The following ABCF2 variants were observed in gnomAD, a reference collection of about 807,000 sequenced individuals.
ABCF2 encodes ATP binding cassette subfamily F member 2.
ABCF2 carries 37 observed loss-of-function variants against 76.9 expected under a neutral mutation model. The observed-to-expected ratio is 0.48, with a 90% CI of 0.37 to 0.63. The LOEUF is 0.63. Among genes scored for constraint, ABCF2 ranks in the 30% least tolerant of loss-of-function variants. The pLI is 0.00. For synonymous variants in ABCF2, 299 were observed against 283.7 expected, an observed-to-expected ratio of 1.05 and a Z score of -0.54; for missense variants, 524 against 782.1, an observed-to-expected ratio of 0.67 and a Z score of 3.94.
chr7:151,223,510 G>A (rs1346899381), intron 5 of ABCF2, among the ~76,000 whole-genome samples, 168 bp downstream of exon 5: 1 of 152,142 alleles, frequency 6.6e-6, no homozygotes, highest in Admixed American at 6.5e-5. Context: ...CTTCAGCCAG[G>A]AAGCTCTCTC....
At chr7:151,217,900 C>T (rs1013936157) in intron 11 of ABCF2, among the ~76,000 whole-genome samples, 181 bp downstream of exon 11, 1 of 152,206 alleles carries the variant, frequency 6.6e-6, no homozygotes, top group Non-Finnish European at 1.5e-5. Context: ...AGCCCCCAGC[C>T]TCAGCACTGT....
rs544876375 is a variant in ABCF2, at chr7:151,213,833, T to C, written c.*221A>G. The C allele has an allele frequency of 2.9e-6, 4 of 1,381,328 alleles. No individual in the cohort carries two copies. Among genetic ancestry groups the C allele is most frequent in the African/African-American group, 2.9e-5 (2 of 68,196 alleles). 85.6% of individuals were successfully genotyped at this position (1,381,328 alleles called of 1,614,324 possible). On this transcript the variant is annotated 3_prime_UTR_variant, in exon 15 of 15. Coordinates refer to ENST00000287844, the MANE Select transcript of ABCF2 (RefSeq NM_007189.3). Reference sequence around the variant, plus strand: ...GGGAACGGCCAGCCGAGTCCAGACATGGACAGATGTAACTGGAAGGAGGAC... The same window carrying C: ...GGGAACGGCCAGCCGAGTCCAGACACGGACAGATGTAACTGGAAGGAGGAC...
chr7:151,216,278 G>T (rs1802148589), intron 11 of ABCF2, among the ~76,000 whole-genome samples: 1 of 152,202 alleles, frequency 6.6e-6, no homozygotes, highest in Admixed American at 6.5e-5. Flanking sequence ...AATGCACTAT[G>T]CTGTATAACA....
At position 151,211,825 on chromosome 7, in the gene ABCF2, A is replaced by G. The variant is rs1802050292; in HGVS notation, c.*2229T>C. ...CCCCACTTAAGGCATAAAGCAGTCA[A>G]GCCAGTACCCTCTGGGGTCAGAGGA... On this transcript the variant is annotated 3_prime_UTR_variant, in exon 15 of 15. Coordinates refer to ENST00000287844, the MANE Select transcript of ABCF2 (RefSeq NM_007189.3). 7 of 985,422 alleles carry G rather than the reference A, an allele frequency of 7.1e-6. No homozygotes were observed. The highest frequency in any genetic ancestry group is 8.4e-6 in the Non-Finnish European group (7 of 829,930). 61.0% of individuals were successfully genotyped at this position (985,422 alleles called of 1,614,324 possible). A position where few individuals can be genotyped will look rare whatever the true frequency, so the allele number is the denominator to read the frequency against.
At position 151,215,953 on chromosome 7, in the gene ABCF2, C is replaced by T. The variant is rs1341403798; in HGVS notation, c.1401+14G>A. On this transcript the variant is annotated intron_variant, in intron 12 of 14. Transcript: ENST00000287844. The surrounding 1 kb of genome is among the most constrained non-coding windows in gnomAD (Gnocchi z 4.6). ...CCCTGGGCAATTCCCCGGATCCCAA[C>T]CCCAGGCCTGTACCTGATGGTAACG... 1.9e-6 allele frequency: 3 copies of T among 1,613,892 alleles called. No individual in the cohort carries two copies. The highest frequency in any genetic ancestry group is 1.1e-5 in the South Asian group (1 of 91,074).
intron 3 of ABCF2, 31 bp downstream of exon 3, chr7:151,224,745 A>T: frequency 1.3e-6 from 2 of 1,570,662 alleles, no homozygotes; most frequent in Non-Finnish European, 1.8e-6. Flanking sequence ...CTAAGGAGAG[A>T]TACCTCCCAC....
intron 1 of ABCF2, chr7:151,226,734 T>C: frequency 3.1e-6 from 1 of 322,386 alleles, no homozygotes; most frequent in Non-Finnish European, 5.7e-6. Flanking sequence ...ACGGACTGCC[T>C]CACTTTGGAA....
intron 7 of ABCF2, 117 bp from the exon 8 acceptor site, chr7:151,219,276 T>C: frequency 2.4e-6 from 2 of 840,300 alleles, no homozygotes; most frequent in Admixed American, 1.8e-5. Context: ...GCTCTAAGGC[T>C]GTGCAGTAAG....
At chr7:151,221,986 C>T (rs1009726968) in intron 6 of ABCF2, 4 of 274,962 alleles carry the variant, frequency 1.5e-5, no homozygotes, top group South Asian at 5.4e-5. Flanking sequence ...AATACACCCA[C>T]GAATGTATCC....
chr7:151,215,461 TA>T lies in ABCF2; in HGVS notation c.1530+142del, dbSNP rs773306394. ...ATAACAACCTAGAGTAAAGAAAAGG[TA>T]GTAGGTTCTTAGGGGAGTCAAATGG... On this transcript the variant is annotated intron_variant, in intron 13 of 14. Coordinates refer to ENST00000287844, the MANE Select transcript of ABCF2 (RefSeq NM_007189.3). The surrounding 1 kb of genome is among the most constrained non-coding windows in gnomAD (Gnocchi z 4.6). 522 of 1,007,810 alleles carry T rather than the reference TA, an allele frequency of 5.2e-4. 2 individuals are homozygous for T. The highest frequency in any genetic ancestry group is 6.6e-4 in the Non-Finnish European group (450 of 680,524). The allele number at this position is 1,007,810 out of a possible 1,614,324, so 62.4% of individuals were successfully genotyped here.
At chr7:151,221,520 A>G in intron 7 of ABCF2, 58 bp downstream of exon 7, 1 of 1,055,468 alleles carries the variant, frequency 9.5e-7, no homozygotes, top group South Asian at 1.4e-5. Flanking sequence ...TTTTTTAAAG[A>G]GAATTTCAGA....
chr7:151,214,093 A>T lies in ABCF2; in HGVS notation c.1833T>A (p.Asp611Glu), dbSNP rs774832932. 3.1e-6 allele frequency: 5 copies of T among 1,614,034 alleles called. No individual in the cohort carries two copies. The Admixed American group carries it at 8.3e-5, about 27-fold the overall frequency. Residue 611 changes from aspartate (D) to glutamate (E), a missense_variant, in exon 15 of 15, where the codon GAT (aspartate) becomes GAA (glutamate). This residue lies in a region of ABCF2 where 194 missense variants were observed against 348.6 expected (regional missense o/e 0.56). Coordinates refer to ENST00000287844, the MANE Select transcript of ABCF2 (RefSeq NM_007189.3). The surrounding 1 kb of genome is among the most constrained non-coding windows in gnomAD (Gnocchi z 4.9). ...TCCTCTTGGTGAGCTGGGGCTCCTCATCCACCAGCTTGGACTTGAGGTGCT... is the reference window on the plus strand; with the variant it reads ...TCCTCTTGGTGAGCTGGGGCTCCTCTTCCACCAGCTTGGACTTGAGGTGCT... The part of the protein sequence containing the change: ...YKEHLKSKLV[D>E]EEPQLTKRTH...
rs1286128486 is a variant in ABCF2, at chr7:151,212,388, T to C, written c.*1666A>G. On this transcript the variant is annotated 3_prime_UTR_variant, in exon 15 of 15. Coordinates refer to ENST00000287844, the MANE Select transcript of ABCF2 (RefSeq NM_007189.3). ...AAATACAAAATTTCCTGTATCCCAA[T>C]AGGAAGAGAGGTTCACAGACGTTGG... 1.0e-6 allele frequency: 1 copy of C among 985,336 alleles called. No individual in the cohort carries two copies. Among genetic ancestry groups the C allele is most frequent in the Admixed American group, 6.1e-5 (1 of 16,272 alleles). 61.0% of individuals were successfully genotyped at this position (985,336 alleles called of 1,614,324 possible).
chr7:151,218,126 G>C lies in ABCF2; in HGVS notation c.1293C>G (p.Pro431=), dbSNP rs149289809. 1 of 1,614,138 alleles carries C rather than the reference G, an allele frequency of 6.2e-7. No individual in the cohort carries two copies. Among genetic ancestry groups the C allele is most frequent in the South Asian group, 1.1e-5 (1 of 91,086 alleles). Residue 431 remains proline, a synonymous_variant, in exon 11 of 15, where the codon CCC becomes CCG. Coordinates refer to ENST00000287844, the MANE Select transcript of ABCF2 (RefSeq NM_007189.3). ...DLDTRVALVG[P]NGAGKSTLLK... Reference sequence around the variant, plus strand: ...GAAGAGTTGACTTCCCTGCTCCATTGGGCCCTACCAGAGCCACTCGTGTGT... The same window carrying C: ...GAAGAGTTGACTTCCCTGCTCCATTCGGCCCTACCAGAGCCACTCGTGTGT...
Position 151,213,368 on chromosome 7 carries a change from C to A in ABCF2, c.*686G>T. On this transcript the variant is annotated 3_prime_UTR_variant, in exon 15 of 15. Transcript: ENST00000287844. ...CAATTTCAAATCAGAAGTAAAGGGA[C>A]AAAGTTCTTCCAGCTCCTATGGACT... 1 of 985,056 alleles carries A rather than the reference C, an allele frequency of 1.0e-6. No individual in the cohort carries two copies. The highest frequency in any genetic ancestry group is 1.2e-6 in the Non-Finnish European group (1 of 829,802). The allele number at this position is 985,056 out of a possible 1,614,324, so 61.0% of individuals were successfully genotyped here.
At position 151,214,448 on chromosome 7, in the gene ABCF2, T is replaced by C. The variant is rs538457729; in HGVS notation, c.1735-257A>G. On this transcript the variant is annotated intron_variant, in intron 14 of 14. Transcript: ENST00000287844. The surrounding 1 kb of genome is among the most constrained non-coding windows in gnomAD (Gnocchi z 4.9). ...GCAGGGCCTAGATCTATTCAGAGGCTTCACTCTCAGCCTTCTTTTCTCCAC... is the reference window on the plus strand; with the variant it reads ...GCAGGGCCTAGATCTATTCAGAGGCCTCACTCTCAGCCTTCTTTTCTCCAC... Among the ~76,000 whole-genome samples the C allele has an allele frequency of 2.6e-4, 39 of 152,302 alleles. No individual in the cohort carries two copies. The highest frequency in any genetic ancestry group is 8.7e-4 in the African/African-American group (36 of 41,568).
At position 151,211,946 on chromosome 7, in the gene ABCF2, C is replaced by T. The variant is rs1802052235; in HGVS notation, c.*2108G>A. ...TTTGTGGCCATCTGAGAAGATCCTA[C>T]TCATTTTTCAAGTGAGAGCACACCA... is the stretch of plus-strand genomic sequence containing the variant. On this transcript the variant is annotated 3_prime_UTR_variant, in exon 15 of 15. Transcript: ENST00000287844. 11 of 985,314 alleles carry T rather than the reference C, an allele frequency of 1.1e-5. No individual in the cohort carries two copies. The highest frequency in any genetic ancestry group is 1.3e-5 in the Non-Finnish European group (11 of 829,908). 61.0% of individuals were successfully genotyped at this position (985,314 alleles called of 1,614,324 possible).
At position 151,224,903 on chromosome 7, in the gene ABCF2, G is replaced by T. The variant is rs1802342755; in HGVS notation, c.240C>A (p.His80Gln). ...TGATGTGAACATCAGTACTGTTGGG[G>T]TGAGAGGCCAGGACGCCAGTGACAG... ...ARAVTGVLAS[H>Q]PNSTDVHIIN... is the part of the protein sequence containing the mutation. The change falls in exon 3 of 15, where the codon CAC (histidine) becomes CAA (glutamine). Residue 80 changes from histidine to glutamine, a missense_variant. Transcript: ENST00000287844. 6.2e-7 allele frequency: 1 copy of T among 1,614,112 alleles called. No homozygotes were observed. Among genetic ancestry groups the T allele is most frequent in the South Asian group, 1.1e-5 (1 of 91,086 alleles).
Position 151,226,320 on chromosome 7 carries a change from C to T in ABCF2, c.139G>A (p.Gly47Ser). ...PQVAEKNEAN[G>S]RETTEVDLLT... ...CTCAATTCACCTGTGGTCTCTCTGCCATTGGCCTCATTCTTCTCTGCCACC... is the reference window on the plus strand; with the variant it reads ...CTCAATTCACCTGTGGTCTCTCTGCTATTGGCCTCATTCTTCTCTGCCACC... The change falls in exon 2 of 15, where the codon GGC becomes AGC. Residue 47 changes from glycine to serine, a missense_variant. Gly to Ser is a moderately conservative substitution (Grantham distance 56, BLOSUM62 0). This residue lies in a region of ABCF2 where 330 missense variants were observed against 433.6 expected (regional missense o/e 0.76). Coordinates refer to ENST00000287844, the MANE Select transcript of ABCF2 (RefSeq NM_007189.3). The T allele has an allele frequency of 6.2e-7, 1 of 1,614,026 alleles. No homozygotes were observed. The highest frequency in any genetic ancestry group is 2.2e-5 in the East Asian group (1 of 44,870).
Sources: gnomAD v4.1 joint callset for allele counts (sites outside exome capture counted in the v4.1 genomes callset) on GRCh38, gnomAD v4.1.1 for gene constraint, gnomAD v4.1.1 regional missense constraint, Gnocchi (gnomAD v3.1) non-coding constraint, MANE v1.5 for transcripts, NCBI Gene and HGNC (gene_info 2026-07-23, HGNC 2026-07-21) for gene names.